GOLGA7: variants seen among roughly 807,000 people sequenced by gnomAD.
GOLGA7 encodes the protein golgin subfamily A member 7.
In GOLGA7, 10 loss-of-function variants were observed where a neutral mutation model predicts 21.1. That is an observed-to-expected ratio of 0.47 (90% CI 0.29 to 0.80). The LOEUF (loss-of-function observed/expected upper bound fraction) is 0.80, where lower values mean the gene tolerates loss of function less well. Among genes scored for constraint, GOLGA7 ranks in the 30% least tolerant of loss-of-function variants. GOLGA7 has a pLI of 0.08. For missense variants in GOLGA7, 114 were observed against 166.8 expected (o/e 0.68, Z 1.74); for synonymous variants, 64 against 62.6 (o/e 1.02, Z -0.10).
At chr8:41,494,964 G>GGGA (rs1805972342) in intron 1 of GOLGA7, among the ~76,000 whole-genome samples, 1 of 151,942 alleles carries the variant, frequency 6.6e-6, no homozygotes, top group East Asian at 1.9e-4. Flanking sequence ...GTGGCTCTTT[G>GGGA]GGAGGCCAGG....
intron 2 of GOLGA7, chr8:41,505,683 T>G: frequency 5.0e-6 from 2 of 400,726 alleles, no homozygotes; most frequent in Non-Finnish European, 4.5e-6. Context: ...GCTTTTGCAT[T>G]TATTTACATT....
chr8:41,495,845 G>T (rs1012898191), intron 1 of GOLGA7, among the ~76,000 whole-genome samples: 2 of 152,166 alleles, frequency 1.3e-5, no homozygotes, highest in Admixed American at 1.3e-4. Context: ...CTGGGATGAA[G>T]TAGCAAAATT....
chr8:41,491,525 G>A (rs1805883262), intron 1 of GOLGA7, among the ~76,000 whole-genome samples: 1 of 152,146 alleles, frequency 6.6e-6, no homozygotes, highest in African/African-American at 2.4e-5. Context: ...AAATGTCTCA[G>A]AACAAGGCCT....
intron 2 of GOLGA7, 112 bp from the exon 3 acceptor site, chr8:41,505,799 C>A: frequency 3.4e-6 from 2 of 587,494 alleles, no homozygotes; most frequent in South Asian, 4.5e-5. Context: ...ATATGAATAT[C>A]CATGTGACTT....
chr8:41,491,997 A>C (rs368586702), intron 1 of GOLGA7, among the ~76,000 whole-genome samples: 11 of 152,120 alleles, frequency 7.2e-5, no homozygotes, highest in African/African-American at 2.4e-4. Context: ...GCAGTTATTT[A>C]CAGTCAGTTT....
chr8:41,504,132 A>AAAAAC (rs1292052859), intron 2 of GOLGA7, among the ~76,000 whole-genome samples: 1 of 131,110 alleles, frequency 7.6e-6, no homozygotes, highest in Non-Finnish European at 1.7e-5. Context: ...AAAAAAAAAA[A>AAAAAC]AAAACAAAAC....
chr8:41,505,698 C>G (rs143800509), intron 2 of GOLGA7: 68 of 437,916 alleles, frequency 1.6e-4, no homozygotes, highest in Admixed American at 1.4e-3. Flanking sequence ...TACATTGTGT[C>G]GAAGATATTT....
intron 2 of GOLGA7, among the ~76,000 whole-genome samples, chr8:41,503,386 T>G (rs1426919590): frequency 7.6e-6 from 1 of 131,172 alleles, no homozygotes; most frequent in Admixed American, 8.3e-5. Context: ...GATGGTAGTT[T>G]CTTTTGCTGT....
At chr8:41,498,232 T>TCCAC (rs1365495491) in intron 2 of GOLGA7, among the ~76,000 whole-genome samples, 2 of 152,222 alleles carry the variant, frequency 1.3e-5, no homozygotes, top group African/African-American at 4.8e-5. Flanking sequence ...CTATCCTGGG[T>TCCAC]TATGCCCTTA....
chr8:41,503,012 CTT>C (rs1356106678), intron 2 of GOLGA7, among the ~76,000 whole-genome samples: 5 of 151,958 alleles, frequency 3.3e-5, no homozygotes. Flanking sequence ...ATTAAAGAGA[CTT>C]TAAGAGTTTT....
chr8:41,496,249 C>T (rs1806010898), intron 1 of GOLGA7, among the ~76,000 whole-genome samples: 1 of 152,032 alleles, frequency 6.6e-6, no homozygotes, highest in Non-Finnish European at 1.5e-5. Flanking sequence ...TACATGGCAG[C>T]TGATGGGGGC....
chr8:41,507,234 T>G, intron 4 of GOLGA7, 113 bp downstream of exon 4: 1 of 667,530 alleles, frequency 1.5e-6, no homozygotes, highest in Non-Finnish European at 2.8e-6. Flanking sequence ...AATAACAGTA[T>G]ATTTGCTGTG....
At chr8:41,501,160 G>A (rs1202209668) in intron 2 of GOLGA7, among the ~76,000 whole-genome samples, 5 of 152,152 alleles carry the variant, frequency 3.3e-5, no homozygotes, top group Admixed American at 2.6e-4. Flanking sequence ...AAAGAAATTG[G>A]TAATTGGGTG....
chr8:41,491,129 A>G (rs572064743), intron 1 of GOLGA7, among the ~76,000 whole-genome samples, 164 bp downstream of exon 1: 3 of 152,334 alleles, frequency 2.0e-5, no homozygotes, highest in Non-Finnish European at 4.4e-5. Flanking sequence ...GCCACTAAGC[A>G]AGACAGGTGT....
In GOLGA7 at chr8:41,510,169, A is replaced by G. The variant is rs1438748933; in HGVS notation, c.*601A>G. 2.6e-5 allele frequency: 4 copies of G among 152,624 alleles called. No individual in the cohort carries two copies. Among genetic ancestry groups the G allele is most frequent in the Admixed American group, 1.3e-4 (2 of 15,274 alleles). 9.5% of individuals were successfully genotyped at this position (152,624 alleles called of 1,614,324 possible). A position where few individuals can be genotyped will look rare whatever the true frequency, so the allele number is the denominator to read the frequency against. Reference sequence around the variant, plus strand: ...CTGAAGCTTATTGAAAAAAAAATGTATAATGTTATTTGTTTTATTATAGCA... The same window carrying G: ...CTGAAGCTTATTGAAAAAAAAATGTGTAATGTTATTTGTTTTATTATAGCA... On this transcript the variant is annotated 3_prime_UTR_variant, in exon 5 of 5. Transcript: ENST00000357743.
chr8:41,501,459 G>A (rs1407069808), intron 2 of GOLGA7, among the ~76,000 whole-genome samples: 2 of 152,064 alleles, frequency 1.3e-5, no homozygotes, highest in Non-Finnish European at 2.9e-5. Flanking sequence ...GACCAGGCTG[G>A]TCTCAAACTC....
rs1806304595 is a variant in GOLGA7 at position 41,507,102 on chromosome 8, GA to G, written c.411del (p.Arg137SerfsTer6). ...GAAGACAGAGGCATGAGCAGTGGAA[GA>G]TAAACCGAAGAATTAAAGGTAAATA... ...IYEDRGMSSG[R>X] On this transcript the variant is annotated frameshift_variant, in exon 4 of 5. Transcript: ENST00000357743. LOFTEE classifies it high-confidence loss of function. 7.9e-7 allele frequency: 1 copy of G among 1,261,342 alleles called. No individual in the cohort carries two copies. Among genetic ancestry groups the G allele is most frequent in the South Asian group, 1.2e-5 (1 of 83,998 alleles). The allele number at this position is 1,261,342 out of a possible 1,614,324, so 78.1% of individuals were successfully genotyped here.
At position 41,509,607 on chromosome 8, in the gene GOLGA7, C is replaced by G. The variant is rs1806371230; in HGVS notation, c.*39C>G. On this transcript the variant is annotated 3_prime_UTR_variant, in exon 5 of 5. Coordinates refer to ENST00000357743, the MANE Select transcript of GOLGA7 (RefSeq NM_001002296.2). ...AGATCCCACTTCCAGCCGGGCCCCT[C>G]ATGTATCCACTGGCCGACCGCAGAG... 1 of 152,668 alleles carries G rather than the reference C, an allele frequency of 6.6e-6. No homozygotes were observed. Among genetic ancestry groups the G allele is most frequent in the Non-Finnish European group, 1.5e-5 (1 of 68,060 alleles). 9.5% of individuals were successfully genotyped at this position (152,668 alleles called of 1,614,324 possible). A position where few individuals can be genotyped will look rare whatever the true frequency, so the allele number is the denominator to read the frequency against.
At position 41,507,108 on chromosome 8, in the gene GOLGA7, C is replaced by A; in HGVS notation, c.*2C>A. ...AGAGGCATGAGCAGTGGAAGATAAACCGAAGAATTAAAGGTAAATATGAAA... is the reference window on the plus strand; with the variant it reads ...AGAGGCATGAGCAGTGGAAGATAAAACGAAGAATTAAAGGTAAATATGAAA... On this transcript the variant is annotated 3_prime_UTR_variant, in exon 4 of 5. Transcript: ENST00000357743. 1 of 1,216,052 alleles carries A rather than the reference C, an allele frequency of 8.2e-7. No individual in the cohort carries two copies. Among genetic ancestry groups the A allele is most frequent in the Non-Finnish European group, 1.2e-6 (1 of 816,402 alleles). The allele number at this position is 1,216,052 out of a possible 1,614,324, so 75.3% of individuals were successfully genotyped here. A position where few individuals can be genotyped will look rare whatever the true frequency, so the allele number is the denominator to read the frequency against.
Sources: gnomAD v4.1 joint callset for allele counts (sites outside exome capture counted in the v4.1 genomes callset) on GRCh38, gnomAD v4.1.1 for gene constraint, MANE v1.5 for transcripts, NCBI Gene and HGNC (gene_info 2026-07-23, HGNC 2026-07-21) for gene names.